Variants in C1orf21 observed in about 807,000 individuals in gnomAD.
The protein encoded by C1orf21 is uncharacterized protein C1orf21.
Under a neutral mutation model 18.7 loss-of-function variants are expected in C1orf21, and 3 were observed. The ratio of observed to expected loss-of-function variants is 0.16; its 90% confidence interval spans 0.07 to 0.42. The LOEUF (loss-of-function observed/expected upper bound fraction) is 0.42, where lower values mean the gene tolerates loss of function less well. Among genes scored for constraint, C1orf21 ranks in the 10% least tolerant of loss-of-function variants. The pLI is 0.99. For missense variants in C1orf21, 104 were observed against 143.6 expected (o/e 0.72, Z 1.41); for synonymous variants, 41 against 46.4 (o/e 0.88, Z 0.47).
At chr1:184,415,904 G>T (rs1245914789) in intron 1 of C1orf21, among the ~76,000 whole-genome samples, 1 of 152,150 alleles carries the variant, frequency 6.6e-6, no homozygotes, top group Non-Finnish European at 1.5e-5. Flanking sequence ...CATTGCAAAA[G>T]AAACTTTTTC....
At chr1:184,481,836 G>C (rs890136978) in intron 2 of C1orf21, among the ~76,000 whole-genome samples, 1 of 152,150 alleles carries the variant, frequency 6.6e-6, no homozygotes, top group Non-Finnish European at 1.5e-5. Flanking sequence ...GCAGGGCTCT[G>C]GGGGAAGAAT....
chr1:184,604,812 T>A (rs1659628598), intron 5 of C1orf21, among the ~76,000 whole-genome samples: 1 of 152,128 alleles, frequency 6.6e-6, no homozygotes, highest in Non-Finnish European at 1.5e-5. Flanking sequence ...GGAAAATGAG[T>A]CAGGCAACAA....
chr1:184,399,734 A>G (rs1656119375), intron 1 of C1orf21, among the ~76,000 whole-genome samples: 1 of 152,186 alleles, frequency 6.6e-6, no homozygotes, highest in Admixed American at 6.6e-5. Context: ...TAAGTCTAAC[A>G]GTGGATTTAG....
intron 3 of C1orf21, among the ~76,000 whole-genome samples, chr1:184,554,336 C>T (rs1158083451): frequency 2.6e-5 from 4 of 152,128 alleles, no homozygotes; most frequent in Non-Finnish European, 5.9e-5. Context: ...CTCAGGCATT[C>T]CCCTGTGTTT....
intron 3 of C1orf21, among the ~76,000 whole-genome samples, chr1:184,559,048 G>A (rs963550272): frequency 1.3e-5 from 2 of 152,188 alleles, no homozygotes; most frequent in Non-Finnish European, 1.5e-5. Context: ...ACTGTAAAAT[G>A]TGGATAGGGA....
At chr1:184,461,743 G>C (rs1313645540) in intron 1 of C1orf21, among the ~76,000 whole-genome samples, 7 of 152,100 alleles carry the variant, frequency 4.6e-5, no homozygotes, top group Admixed American at 4.6e-4. Context: ...GAAAACAAAT[G>C]ATCATGTCAC....
chr1:184,549,726 T>C (rs1571410392), intron 3 of C1orf21, among the ~76,000 whole-genome samples: 2 of 152,274 alleles, frequency 1.3e-5, no homozygotes, highest in East Asian at 3.9e-4. Flanking sequence ...GTTTTTTCTC[T>C]AGTCTATCAC....
intron 1 of C1orf21, among the ~76,000 whole-genome samples, chr1:184,402,256 T>A (rs1164348507): frequency 6.6e-6 from 1 of 152,238 alleles, no homozygotes; most frequent in African/African-American, 2.4e-5. Context: ...TTTCTTTTAG[T>A]ACTTGTGTGA....
intron 1 of C1orf21, among the ~76,000 whole-genome samples, chr1:184,453,658 C>CT (rs112168366): frequency 0.2 from 30,233 of 151,452 alleles, 3,305 homozygotes; most frequent in African/African-American, 0.29. Flanking sequence ...TAGACCAAAA[C>CT]TTTTTTTTTA....
intron 1 of C1orf21, among the ~76,000 whole-genome samples, chr1:184,428,547 C>T (rs995327128): frequency 3.3e-5 from 5 of 152,208 alleles, no homozygotes; most frequent in African/African-American, 7.2e-5. Flanking sequence ...AATATACCTA[C>T]ATCCTACATT....
intron 1 of C1orf21, among the ~76,000 whole-genome samples, chr1:184,405,093 T>A (rs1656223799): frequency 6.6e-6 from 1 of 152,228 alleles, no homozygotes; most frequent in African/African-American, 2.4e-5. Context: ...CTTCAGAGAT[T>A]ACCTTATGTT....
In C1orf21 at chr1:184,505,342, C is replaced by CATAT. The variant is rs1447922220; in HGVS notation, c.95-2245_95-2244insTATA. ...ATATATATATATATATATATATATA[C>CATAT]ACACATGCCATATATATATAGACAT... On this transcript the variant is annotated intron_variant, in intron 2 of 5. Coordinates refer to ENST00000235307, the MANE Select transcript of C1orf21 (RefSeq NM_030806.4). Among the ~76,000 whole-genome samples the CATAT allele has an allele frequency of 8.0e-3, 683 of 85,734 alleles. 10 individuals are homozygous for CATAT. Among genetic ancestry groups the CATAT allele is most frequent in the African/African-American group, 0.035 (655 of 18,774 alleles). 56.2% of individuals were successfully genotyped at this position (85,734 alleles called of 152,430 possible).
At chr1:184,492,351 G>C (rs1478088373) in intron 2 of C1orf21, among the ~76,000 whole-genome samples, 2 of 152,152 alleles carry the variant, frequency 1.3e-5, no homozygotes, top group African/African-American at 4.8e-5. Flanking sequence ...ATGTTCAAAG[G>C]TTCTATTTAC....
At chr1:184,397,621 A>G (rs1010880145) in intron 1 of C1orf21, among the ~76,000 whole-genome samples, 4 of 152,190 alleles carry the variant, frequency 2.6e-5, no homozygotes, top group African/African-American at 9.7e-5. Flanking sequence ...GCTACTTAGC[A>G]TTGTAATATT....
chr1:184,618,283 A>T lies in C1orf21; in HGVS notation c.328-1235A>T, dbSNP rs1393224577. ...ATCATGTGTAAAAGTATGTGCCAGA[A>T]ATGATTTAATCACTTTATTACTATT... On this transcript the variant is annotated intron_variant, in intron 5 of 5. Coordinates refer to ENST00000235307, the MANE Select transcript of C1orf21 (RefSeq NM_030806.4). 2.6e-5 allele frequency among the ~76,000 whole-genome samples: 4 copies of T among 152,206 alleles called. No homozygotes were observed. In the East Asian group the frequency reaches 7.7e-4, roughly 29 times the overall value.
At chr1:184,487,446 T>C (rs1657749039) in intron 2 of C1orf21, among the ~76,000 whole-genome samples, 1 of 152,332 alleles carries the variant, frequency 6.6e-6, no homozygotes, top group South Asian at 2.1e-4. Flanking sequence ...AAGGGGAAAC[T>C]GAAGTTAAAA....
At chr1:184,415,790 GATTTTGGAT>G (rs1208925957) in intron 1 of C1orf21, among the ~76,000 whole-genome samples, 2 of 152,128 alleles carry the variant, frequency 1.3e-5, no homozygotes, top group Non-Finnish European at 2.9e-5. Context: ...GCAAATCGAA[GATTTTGGAT>G]TCATCCTTCT....
intron 2 of C1orf21, among the ~76,000 whole-genome samples, chr1:184,492,462 A>C (rs1465500625): frequency 6.6e-6 from 1 of 152,162 alleles, no homozygotes; most frequent in African/African-American, 2.4e-5. Context: ...TGCTTTGTTG[A>C]TTGCTCTCAG....
intron 2 of C1orf21, among the ~76,000 whole-genome samples, chr1:184,498,660 A>G (rs1657928871): frequency 6.6e-6 from 1 of 152,180 alleles, no homozygotes; most frequent in South Asian, 2.1e-4. Flanking sequence ...GGCATGTGAG[A>G]TACTATATTA....
Sources: allele counts gnomAD v4.1 joint callset (sites outside exome capture counted in the v4.1 genomes callset), GRCh38; gene constraint gnomAD v4.1.1; transcripts MANE v1.5; gene names NCBI Gene and HGNC (gene_info 2026-07-23, HGNC 2026-07-21).